MOB3A: variants seen among roughly 807,000 people sequenced by gnomAD.
The protein encoded by MOB3A is MOB LAK.
MOB3A carries 17 observed loss-of-function variants against 17.8 expected under a neutral mutation model. That is an observed-to-expected ratio of 0.95 (90% CI 0.65 to 1.43). The LOEUF (loss-of-function observed/expected upper bound fraction) is 1.43, where lower values mean the gene tolerates loss of function less well. MOB3A is among the 40% of genes most tolerant of loss of function. The pLI, the probability that MOB3A is intolerant of heterozygous loss-of-function variation, is 0.00. For synonymous variants in MOB3A, 124 were observed against 133.2 expected (o/e 0.93, Z 0.48); for missense variants, 333 against 310.8 (o/e 1.07, Z -0.54).
Position 2,078,620 on chromosome 19 carries a change from GT to G in MOB3A, c.-61del. On this transcript the variant is annotated 5_prime_UTR_variant, in exon 3 of 5. Transcript: ENST00000357066. Reference sequence around the variant, plus strand: ...GGGGTCCTGGGCCAGCTGGCTGGGGGTGCTGACCAACCCGAGAGGCCACGAA... The same window carrying G: ...GGGGTCCTGGGCCAGCTGGCTGGGGGGCTGACCAACCCGAGAGGCCACGAA... 5 of 1,500,470 alleles carry G rather than the reference GT, an allele frequency of 3.3e-6. No homozygotes were observed. Among genetic ancestry groups the G allele is most frequent in the Non-Finnish European group, 4.5e-6 (5 of 1,121,524 alleles). The allele number at this position is 1,500,470 out of a possible 1,614,324, so 92.9% of individuals were successfully genotyped here.
rs141927824 is a variant in MOB3A, at chr19:2,082,506, C to A, written c.-120+2669G>T. ...CACGCCACAGAGCTAGTGGGTGGAT[C>A]GGCTGGGGCTCGAACCCTGGACTCT... On this transcript the variant is annotated intron_variant, in intron 2 of 4. Coordinates refer to ENST00000357066, the MANE Select transcript of MOB3A (RefSeq NM_130807.3). This position sits in a 1 kb window ranked among gnomAD's most constrained non-coding sequence, Gnocchi z 4.1. Among the ~76,000 whole-genome samples, 94 of 152,298 alleles carry A rather than the reference C, an allele frequency of 6.2e-4. No individual in the cohort carries two copies. The highest frequency in any genetic ancestry group is 2.1e-3 in the African/African-American group (89 of 41,554).
intron 1 of MOB3A, among the ~76,000 whole-genome samples, chr19:2,085,821 G>A (rs972739659): frequency 5.3e-5 from 8 of 151,536 alleles, no homozygotes; most frequent in Non-Finnish European, 8.8e-5. Context: ...AAAAATAGCC[G>A]GGCGTAGTGG....
At chr19:2,089,099 G>A (rs1041724829) in intron 1 of MOB3A, among the ~76,000 whole-genome samples, 1 of 152,178 alleles carries the variant, frequency 6.6e-6, no homozygotes, top group Non-Finnish European at 1.5e-5. Context: ...GGCTGGCAGG[G>A]CAGGCTGAAA....
At chr19:2,094,388 G>C (rs1003934826) in intron 1 of MOB3A, among the ~76,000 whole-genome samples, 1 of 151,988 alleles carries the variant, frequency 6.6e-6, no homozygotes, top group Non-Finnish European at 1.5e-5. Flanking sequence ...CCAACCAACC[G>C]AACAAATAAA....
intron 1 of MOB3A, among the ~76,000 whole-genome samples, chr19:2,095,692 C>G (rs1282073579): frequency 6.6e-6 from 1 of 152,124 alleles, no homozygotes; most frequent in African/African-American, 2.4e-5. Context: ...AAGTTCACCC[C>G]TCCTGAAGGA....
chr19:2,078,085 C>A (rs1412644788), intron 3 of MOB3A, 55 bp downstream of exon 3: 2 of 1,488,830 alleles, frequency 1.3e-6, no homozygotes, highest in Non-Finnish European at 1.8e-6. Context: ...TGCTCGGCCT[C>A]CCTGACTTTT....
Position 2,078,425 on chromosome 19 carries a change from G to A in MOB3A, c.136C>T (p.Arg46Trp), listed in dbSNP as rs34059622. The stretch of plus-strand genomic sequence containing the variant: ...CCCGGGGGCAACTGCACGGCCAGCC[G>A]CAGGTCCAGCCCGGCGTTCAGCGAC... ...QASLNAGLDL[R>W]LAVQLPPGED... The change falls in exon 3 of 5, where the codon CGG (arginine) becomes TGG (tryptophan). Residue 46 changes from arginine (R) to tryptophan (W), a missense_variant. Transcript: ENST00000357066. 388 of 1,613,914 alleles carry A rather than the reference G, an allele frequency of 2.4e-4. 5 individuals are homozygous for A. The Admixed American group carries it at 6.1e-3, about 26-fold the overall frequency.
intron 1 of MOB3A, among the ~76,000 whole-genome samples, chr19:2,088,144 T>C (rs1242399418): frequency 6.6e-6 from 1 of 152,178 alleles, no homozygotes; most frequent in Non-Finnish European, 1.5e-5. Flanking sequence ...TGGAGGATGC[T>C]CCTGGCACAG....
intron 1 of MOB3A, among the ~76,000 whole-genome samples, chr19:2,091,458 A>G (rs1405463117): frequency 6.6e-6 from 1 of 151,890 alleles, no homozygotes; most frequent in African/African-American, 2.4e-5. Context: ...ATCTCGGCTC[A>G]CTGCAAGCTC....
Position 2,076,431 on chromosome 19 carries a change from C to G in MOB3A, c.624+380G>C, listed in dbSNP as rs563714944. Among the ~76,000 whole-genome samples the G allele has an allele frequency of 5.9e-5, 9 of 152,308 alleles. No homozygotes were observed. In the East Asian group the frequency reaches 1.7e-3, roughly 29 times the overall value. On this transcript the variant is annotated intron_variant, in intron 4 of 4. Transcript: ENST00000357066. Reference sequence around the variant, plus strand: ...TGGGTGACAGAGTGAGACTCCGTCTCAAAACAAACAAAAACAAACAAACAA... The same window carrying G: ...TGGGTGACAGAGTGAGACTCCGTCTGAAAACAAACAAAAACAAACAAACAA...
intron 3 of MOB3A, 24 bp downstream of exon 3, chr19:2,078,116 G>A (rs751715402): frequency 3.2e-6 from 5 of 1,539,566 alleles, no homozygotes; most frequent in Admixed American, 1.9e-5. Flanking sequence ...CTGTATCCCC[G>A]AGCCCCTGCC....
intron 1 of MOB3A, among the ~76,000 whole-genome samples, chr19:2,094,790 T>A (rs552413247): frequency 2.0e-5 from 3 of 152,352 alleles, no homozygotes; most frequent in Middle Eastern, 3.4e-3. Context: ...TATCCAACCA[T>A]CTGCTTTGAA....
chr19:2,076,808 C>T lies in MOB3A; in HGVS notation c.624+3G>A, dbSNP rs770222312. 2.0e-5 allele frequency: 33 copies of T among 1,613,332 alleles called. No individual in the cohort carries two copies. The Middle Eastern group carries it at 4.9e-4, about 24-fold the overall frequency. On this transcript the variant is annotated splice_donor_region_variant and intron_variant, in intron 4 of 4. Transcript: ENST00000357066. ...GCACGCCCTCAGCCCCAAGCCCGCG[C>T]ACCAGTGGCTCCAGCTCCTTGGTGT...
In MOB3A at chr19:2,096,239, C is replaced by A. The variant is rs1221028030; in HGVS notation, c.-287G>T. On this transcript the variant is annotated 5_prime_UTR_variant, in exon 1 of 5. Coordinates refer to ENST00000357066, the MANE Select transcript of MOB3A (RefSeq NM_130807.3). ...CCGGACACCCACCTGATCGCCTCTG[C>A]CGCCCGCCTTCGCCCCTCCCGGTAC... is the stretch of plus-strand genomic sequence containing the variant. 6.4e-6 allele frequency: 1 copy of A among 155,876 alleles called. No individual in the cohort carries two copies. The highest frequency in any genetic ancestry group is 2.4e-5 in the African/African-American group (1 of 41,460). 9.7% of individuals were successfully genotyped at this position (155,876 alleles called of 1,614,324 possible).
At position 2,073,028 on chromosome 19, in the gene MOB3A, G is replaced by A. The variant is rs570625961; in HGVS notation, c.*367C>T. 2.4e-5 allele frequency: 7 copies of A among 291,070 alleles called. No individual in the cohort carries two copies. Among genetic ancestry groups the A allele is most frequent in the South Asian group, 1.3e-4 (2 of 15,954 alleles). 18.0% of individuals were successfully genotyped at this position (291,070 alleles called of 1,614,324 possible). A position where few individuals can be genotyped will look rare whatever the true frequency, so the allele number is the denominator to read the frequency against. On this transcript the variant is annotated 3_prime_UTR_variant, in exon 5 of 5. Coordinates refer to ENST00000357066, the MANE Select transcript of MOB3A (RefSeq NM_130807.3). ...ACAGCAGCCCTGGGGGCTCCCCAGC[G>A]AGGTGGAGGCAGAAGTTCCAGGAGC...
intron 2 of MOB3A, among the ~76,000 whole-genome samples, chr19:2,084,582 G>T (rs1026777274): frequency 4.0e-5 from 6 of 149,508 alleles, no homozygotes; most frequent in Admixed American, 6.7e-5. Context: ...ACAGCAGACG[G>T]TTTTTTTTTT....
chr19:2,085,652 T>A (rs2017544181), intron 1 of MOB3A: 1 of 152,128 alleles, frequency 6.6e-6, no homozygotes. Context: ...TGGAAGATGC[T>A]CCCAGCCCAG....
intron 1 of MOB3A, among the ~76,000 whole-genome samples, chr19:2,090,747 T>C (rs1346469850): frequency 1.3e-5 from 2 of 152,042 alleles, no homozygotes; most frequent in Non-Finnish European, 2.9e-5. Context: ...CACTGCAACC[T>C]CCGCCTACTG....
intron 4 of MOB3A, among the ~76,000 whole-genome samples, chr19:2,075,760 TA>T (rs2017397020): frequency 6.6e-6 from 1 of 151,972 alleles, no homozygotes; most frequent in South Asian, 2.1e-4. Context: ...CGTCTCCCGA[TA>T]AAACCTGGTA....
Sources: allele counts gnomAD v4.1 joint callset (sites outside exome capture counted in the v4.1 genomes callset), GRCh38; gene constraint gnomAD v4.1.1; non-coding constraint Gnocchi (gnomAD v3.1); transcripts MANE v1.5; gene names NCBI Gene and HGNC (gene_info 2026-07-23, HGNC 2026-07-21).